FAM13B: variants seen among roughly 807,000 people sequenced by gnomAD.
FAM13B encodes protein FAM13B.
FAM13B carries 60 observed loss-of-function variants against 117.3 expected under a neutral mutation model. The ratio of observed to expected loss-of-function variants is 0.51; its 90% CI spans 0.42 to 0.63. FAM13B has a LOEUF of 0.63. Among genes scored for constraint, FAM13B ranks in the 30% least tolerant of loss-of-function variants. The probability of loss-of-function intolerance (pLI) is 0.00; values close to 1 mark genes in which losing one functional copy is unlikely to be tolerated. For synonymous variants in FAM13B, 332 were observed against 356.1 expected, an observed-to-expected ratio of 0.93 and a Z score of 0.76; for missense variants, 972 against 1,091.9, an observed-to-expected ratio of 0.89 and a Z score of 1.55.
intron 20 of FAM13B, among the ~76,000 whole-genome samples, chr5:137,944,495 C>T (rs1762853859): frequency 6.6e-6 from 1 of 152,036 alleles, no homozygotes; most frequent in South Asian, 2.1e-4. Context: ...CGGCAGGGCA[C>T]GGTGGCTCAT....
chr5:138,042,948 C>T (rs1442605444), intron 1 of FAM13B, among the ~76,000 whole-genome samples: 3 of 151,904 alleles, frequency 2.0e-5, no homozygotes, highest in Non-Finnish European at 2.9e-5. Context: ...AAAAAGTAGC[C>T]GGGTGTGGTG....
chr5:138,034,292 T>C (rs2151109240), upstream of FAM13B, among the ~76,000 whole-genome samples: 1 of 152,354 alleles, frequency 6.6e-6, no homozygotes, highest in Non-Finnish European at 1.5e-5. Flanking sequence ...CAACAGATAC[T>C]TAGTGAATGC....
At chr5:137,948,217 A>G (rs1399087802) in intron 18 of FAM13B, among the ~76,000 whole-genome samples, 2 of 152,060 alleles carry the variant, frequency 1.3e-5, no homozygotes, top group East Asian at 3.8e-4. Context: ...CATAACAACC[A>G]TATCAAGTTA....
At chr5:137,989,969 TAA>T (rs1367304512) in intron 7 of FAM13B, among the ~76,000 whole-genome samples, 1 of 152,188 alleles carries the variant, frequency 6.6e-6, no homozygotes, top group Non-Finnish European at 1.5e-5. Flanking sequence ...TCCTGTGAGC[TAA>T]AAGTTAAATA....
chr5:137,984,822 G>C (rs1034400397), intron 10 of FAM13B, among the ~76,000 whole-genome samples: 3 of 151,204 alleles, frequency 2.0e-5, no homozygotes, highest in African/African-American at 7.3e-5. Context: ...AGGCTGGAGT[G>C]CAATGGCGCA....
chr5:137,975,230 T>C (rs1020297127), intron 10 of FAM13B, among the ~76,000 whole-genome samples: 4 of 152,162 alleles, frequency 2.6e-5, no homozygotes, highest in Non-Finnish European at 5.9e-5. Context: ...GTCCAACTAA[T>C]ATTCCCCTCT....
chr5:137,968,767 C>A lies in FAM13B; in HGVS notation c.1180-6298G>T, dbSNP rs1327547746. On this transcript the variant is annotated intron_variant, in intron 10 of 23. Coordinates refer to ENST00000689681, the MANE Select transcript of FAM13B (RefSeq NM_001385994.1). ...GTGGGTGCGTGCATCGTGCGCGAGC[C>A]AAAGCAGGGCGAGGCATTGCCTCAC... is the stretch of plus-strand genomic sequence containing the variant. Among the ~76,000 whole-genome samples the A allele has an allele frequency of 3.3e-5, 5 of 152,190 alleles. No individual in the cohort carries two copies. In the South Asian group the frequency reaches 6.2e-4, roughly 19 times the overall value.
chr5:138,013,449 C>T (rs986643603), intron 4 of FAM13B, among the ~76,000 whole-genome samples: 4 of 148,772 alleles, frequency 2.7e-5, no homozygotes, highest in Non-Finnish European at 5.9e-5. Flanking sequence ...TGCAGTGAGC[C>T]GAGATTGCAC....
chr5:138,021,507 C>T (rs976403790), intron 1 of FAM13B, among the ~76,000 whole-genome samples: 1 of 151,868 alleles, frequency 6.6e-6, no homozygotes, highest in African/African-American at 2.4e-5. Flanking sequence ...GTGTGGACAC[C>T]CTACCCCATC....
At chr5:138,051,728 T>A (rs1791805904) in intron 1 of FAM13B, 1 of 152,166 alleles carries the variant, frequency 6.6e-6, no homozygotes, top group Non-Finnish European at 1.5e-5. Flanking sequence ...AAACAACCCA[T>A]TTTGCAGATG....
At chr5:138,029,562 C>T (rs1789358729) in intron 1 of FAM13B, among the ~76,000 whole-genome samples, 1 of 152,098 alleles carries the variant, frequency 6.6e-6, no homozygotes. Context: ...AAAAAAACTC[C>T]CATCTTACCT....
chr5:137,947,657 C>T (rs572943740), intron 18 of FAM13B, among the ~76,000 whole-genome samples: 25 of 152,146 alleles, frequency 1.6e-4, no homozygotes, highest in Non-Finnish European at 7.4e-5. Context: ...TCCTGGCTCA[C>T]CGCAACCTCC....
chr5:138,008,371 G>A (rs1336264304), intron 6 of FAM13B, among the ~76,000 whole-genome samples: 2 of 152,192 alleles, frequency 1.3e-5, no homozygotes, highest in Non-Finnish European at 2.9e-5. Flanking sequence ...GGGCCCAGGA[G>A]GTCGGGGCTG....
chr5:137,973,941 A>T (rs1323391998), intron 10 of FAM13B, among the ~76,000 whole-genome samples: 1 of 142,960 alleles, frequency 7.0e-6, no homozygotes, highest in African/African-American at 2.6e-5. Flanking sequence ...CAATCATTAA[A>T]AAGTCAGGAA....
chr5:137,962,845 T>C (rs956630901), intron 10 of FAM13B, among the ~76,000 whole-genome samples: 6 of 152,124 alleles, frequency 3.9e-5, no homozygotes, highest in Admixed American at 2.0e-4. Flanking sequence ...GTAGGTAAGA[T>C]AGGAGTCATA....
Position 138,019,115 on chromosome 5 carries a change from T to C in FAM13B, c.-4A>G. The C allele has an allele frequency of 6.2e-6, 10 of 1,610,250 alleles. No individual in the cohort carries two copies. Among genetic ancestry groups the C allele is most frequent in the Non-Finnish European group, 7.6e-6 (9 of 1,178,366 alleles). ...AAGGGGAGGAGCTCTTCCTCATATC[T>C]TTTTTGCAGCCAGAAATCAAAGCTG... is the stretch of plus-strand genomic sequence containing the variant. On this transcript the variant is annotated 5_prime_UTR_variant, in exon 3 of 24. Transcript: ENST00000689681.
intron 10 of FAM13B, among the ~76,000 whole-genome samples, chr5:137,976,637 TC>T (rs796069815): frequency 1.3e-5 from 2 of 152,178 alleles, no homozygotes; most frequent in African/African-American, 4.8e-5. Flanking sequence ...ATTTATTAGT[TC>T]CCCAAATTAA....
At chr5:137,947,056 T>C (rs959708535) in intron 18 of FAM13B, among the ~76,000 whole-genome samples, 20 of 152,244 alleles carry the variant, frequency 1.3e-4, no homozygotes, top group African/African-American at 3.6e-4. Context: ...ACAAGCTCCA[T>C]AGACAAATAA....
intron 15 of FAM13B, 71 bp from the exon 16 acceptor site, chr5:137,953,536 AT>A: frequency 6.8e-7 from 1 of 1,474,948 alleles, no homozygotes; most frequent in Non-Finnish European, 9.3e-7. Flanking sequence ...TTGCCCTGAC[AT>A]GGCACTATTA....
Sources: gnomAD v4.1 joint callset for allele counts (sites outside exome capture counted in the v4.1 genomes callset) on GRCh38, gnomAD v4.1.1 for gene constraint, MANE v1.5 for transcripts, NCBI Gene and HGNC (gene_info 2026-07-23, HGNC 2026-07-21) for gene names.